SEC31A: variants seen among roughly 807,000 people sequenced by gnomAD.
The protein encoded by SEC31A is protein transport protein Sec31A.
In SEC31A, 70 loss-of-function variants were observed where a neutral mutation model predicts 151.0. The ratio of observed to expected loss-of-function variants is 0.46; its 90% CI spans 0.38 to 0.57. The LOEUF is 0.57. Ranked by LOEUF, SEC31A falls within the 20% of genes least tolerant of loss-of-function variation. SEC31A has a pLI of 0.00. For synonymous variants in SEC31A, 475 were observed against 505.9 expected (o/e 0.94, Z 0.82); for missense variants, 1,330 against 1,471.2 (o/e 0.90, Z 1.57).
In SEC31A at chr4:82,819,871, C is replaced by T. The variant is rs182115418; in HGVS notation, c.3484-618G>A. Among the ~76,000 whole-genome samples, 1,520 of 152,074 alleles carry T rather than the reference C, an allele frequency of 1.0e-2. 10 individuals carry two copies. The highest frequency in any genetic ancestry group is 0.015 in the Non-Finnish European group (1,020 of 67,986). ...CCGCCTCCCGGGTTCAAGCGATTCT[C>T]CTGCCTCAGCCTCCTGAGTAGCTAG... On this transcript the variant is annotated intron_variant, in intron 26 of 26. Coordinates refer to ENST00000395310, the MANE Select transcript of SEC31A (RefSeq NM_001077207.4).
At chr4:82,834,825 C>G (rs747594251) in intron 22 of SEC31A, among the ~76,000 whole-genome samples, 1 of 152,008 alleles carries the variant, frequency 6.6e-6, no homozygotes, top group Non-Finnish European at 1.5e-5. Context: ...TTAAAAAAAA[C>G]TTCTCCTACT....
intron 1 of SEC31A, among the ~76,000 whole-genome samples, chr4:82,888,643 C>G (rs1578415130): frequency 6.6e-6 from 1 of 151,278 alleles, no homozygotes. Context: ...GAGCCGAGAT[C>G]GCGCCAATGT....
intron 20 of SEC31A, among the ~76,000 whole-genome samples, chr4:82,844,988 A>G (rs1729744873): frequency 6.6e-6 from 1 of 152,256 alleles, no homozygotes; most frequent in Non-Finnish European, 1.5e-5. Flanking sequence ...GTTCAAGTCA[A>G]TTTAAAACTG....
intron 22 of SEC31A, among the ~76,000 whole-genome samples, chr4:82,840,342 T>C (rs571873846): frequency 5.3e-5 from 8 of 152,174 alleles, no homozygotes; most frequent in Non-Finnish European, 1.2e-4. Context: ...TTCTGATTCT[T>C]ACCCAACTAC....
At chr4:82,858,647 C>G (rs1262147051) in intron 14 of SEC31A, among the ~76,000 whole-genome samples, 1 of 146,022 alleles carries the variant, frequency 6.8e-6, no homozygotes, top group Admixed American at 7.0e-5. Context: ...TCTTTGTTTT[C>G]TTAGGTAACT....
intron 19 of SEC31A, among the ~76,000 whole-genome samples, chr4:82,849,886 T>G (rs927059401): frequency 6.6e-6 from 1 of 152,130 alleles, no homozygotes; most frequent in Non-Finnish European, 1.5e-5. Flanking sequence ...AAGATTTTAG[T>G]ATCTTTAAAA....
intron 1 of SEC31A, among the ~76,000 whole-genome samples, chr4:82,889,860 A>C (rs989165201): frequency 6.6e-6 from 1 of 152,210 alleles, no homozygotes; most frequent in African/African-American, 2.4e-5. Flanking sequence ...AAAAGTTCTT[A>C]AGAGTCTACA....
At position 82,867,125 on chromosome 4, in the gene SEC31A, A is replaced by C. The variant is rs539805322; in HGVS notation, c.1044+30T>G. On this transcript the variant is annotated intron_variant, in intron 9 of 26. Coordinates refer to ENST00000395310, the MANE Select transcript of SEC31A (RefSeq NM_001077207.4). ...ACAACACATACTTTTTTCAGGCATT[A>C]TAATAGAAAACTTTAACACTTCCTA... 1,360 of 1,591,772 alleles carry C rather than the reference A, an allele frequency of 8.5e-4. 22 individuals are homozygous for C. The South Asian group carries it at 0.014, about 16-fold the overall frequency.
intron 20 of SEC31A, among the ~76,000 whole-genome samples, chr4:82,845,511 A>G (rs992076514): frequency 2.0e-5 from 3 of 152,180 alleles, no homozygotes; most frequent in Middle Eastern, 3.2e-3. Context: ...ACAATGAAAC[A>G]GGGAGAGGAA....
At chr4:82,879,001 A>C in intron 3 of SEC31A, 73 bp from the exon 4 acceptor site, 1 of 1,120,878 alleles carries the variant, frequency 8.9e-7, no homozygotes, top group Non-Finnish European at 1.3e-6. Context: ...GAAATTATAC[A>C]CTTAATTTTT....
chr4:82,819,677 CT>C (rs915677647), intron 26 of SEC31A, among the ~76,000 whole-genome samples: 71 of 152,280 alleles, frequency 4.7e-4, no homozygotes, highest in African/African-American at 1.3e-3. Context: ...TTTTATAATC[CT>C]GTCATCTCTT....
chr4:82,827,596 A>G lies in SEC31A; in HGVS notation c.3064T>C (p.Ser1022Pro). The G allele has an allele frequency of 6.2e-7, 1 of 1,614,210 alleles. No homozygotes were observed. The highest frequency in any genetic ancestry group is 8.5e-7 in the Non-Finnish European group (1 of 1,180,022). ...TCACCCAACGGGTTCATGATTGGTGATGTGATGGGAACAGGAGGCATGAAG... is the reference window on the plus strand; with the variant it reads ...TCACCCAACGGGTTCATGATTGGTGGTGTGATGGGAACAGGAGGCATGAAG... ...ENFMPPVPIT[S>P]PIMNPLGDPQ... Residue 1022 changes from serine (S) to proline (P), a missense_variant, in exon 24 of 27, where the codon TCA becomes CCA. Coordinates refer to ENST00000395310, the MANE Select transcript of SEC31A (RefSeq NM_001077207.4).
intron 1 of SEC31A, among the ~76,000 whole-genome samples, chr4:82,882,381 G>A (rs1416440467): frequency 2.2e-5 from 3 of 134,706 alleles, no homozygotes; most frequent in African/African-American, 6.1e-5. Flanking sequence ...CAACCTGGGC[G>A]AGAGAGCAAG....
chr4:82,854,760 G>T, intron 17 of SEC31A, 143 bp downstream of exon 17: 2 of 712,756 alleles, frequency 2.8e-6, no homozygotes, highest in Non-Finnish European at 2.1e-6. Flanking sequence ...TAATAAATCT[G>T]AGAAAGGCAC....
intron 20 of SEC31A, among the ~76,000 whole-genome samples, chr4:82,846,022 C>T (rs143592653): frequency 6.1e-4 from 93 of 151,998 alleles, no homozygotes; most frequent in African/African-American, 2.1e-3. Flanking sequence ...TTTTCCGAGA[C>T]GGAGTGGAGT....
upstream of SEC31A, chr4:82,891,271 C>G (rs922111424): frequency 7.3e-6 from 9 of 1,227,188 alleles, no homozygotes; most frequent in African/African-American, 1.1e-4. Context: ...TCCCCGCCCA[C>G]CCGACGCACA....
chr4:82,894,478 T>G (rs1015804795), upstream of SEC31A: 8 of 152,368 alleles, frequency 5.3e-5, no homozygotes, highest in Middle Eastern at 3.4e-3. Context: ...CAAAATTGTG[T>G]AAGGTGAACC....
intron 19 of SEC31A, among the ~76,000 whole-genome samples, chr4:82,850,855 C>A (rs574221075): frequency 6.6e-6 from 1 of 152,142 alleles, no homozygotes; most frequent in African/African-American, 2.4e-5. Context: ...CCATTCTATA[C>A]CCACTTGTTG....
intron 22 of SEC31A, among the ~76,000 whole-genome samples, chr4:82,840,928 A>G (rs1339083866): frequency 6.6e-6 from 1 of 152,234 alleles, no homozygotes; most frequent in African/African-American, 2.4e-5. Flanking sequence ...CTAGGACATT[A>G]CTATACACTA....
Sources: gnomAD v4.1 joint callset for allele counts (sites outside exome capture counted in the v4.1 genomes callset) on GRCh38, gnomAD v4.1.1 for gene constraint, MANE v1.5 for transcripts, NCBI Gene and HGNC (gene_info 2026-07-23, HGNC 2026-07-21) for gene names.